Variants in PRSS57 observed in about 807,000 individuals in gnomAD.
The protein encoded by PRSS57 is serine protease 57.
Under a neutral mutation model 20.6 loss-of-function variants are expected in PRSS57, and 19 were observed. The ratio of observed to expected loss-of-function variants is 0.92; its 90% CI spans 0.64 to 1.35. The LOEUF (loss-of-function observed/expected upper bound fraction) is 1.35, where lower values mean the gene tolerates loss of function less well. Ranked by LOEUF, PRSS57 falls within the 40% of genes most tolerant of loss-of-function variation. The probability of loss-of-function intolerance (pLI) is 0.00; values close to 1 mark genes in which losing one functional copy is unlikely to be tolerated. For synonymous variants in PRSS57, 203 were observed against 176.6 expected, an observed-to-expected ratio of 1.15 and a Z score of -1.19; for missense variants, 440 against 403.7, an observed-to-expected ratio of 1.09 and a Z score of -0.77.
chr19:689,146 T>C (rs12978248), intron 3 of PRSS57, among the ~76,000 whole-genome samples: 63,359 of 118,146 alleles, frequency 0.54, 16,332 homozygotes, highest in Middle Eastern at 0.6. Context: ...GTGACGACGG[T>C]GCTAGAAGGG....
At chr19:690,989 G>A in intron 3 of PRSS57, 2 of 417,782 alleles carry the variant, frequency 4.8e-6, no homozygotes, top group South Asian at 2.2e-5. Flanking sequence ...TTAGCCAGGG[G>A]CTGCACTGCC....
intron 2 of PRSS57, 113 bp downstream of exon 2, chr19:694,701 G>T: frequency 8.9e-6 from 11 of 1,242,824 alleles, no homozygotes; most frequent in Non-Finnish European, 1.2e-5. Context: ...AGCCCCTGCT[G>T]AGACTCCCCC....
chr19:692,068 A>G, intron 2 of PRSS57, 66 bp from the exon 3 acceptor site: 2 of 1,250,176 alleles, frequency 1.6e-6, no homozygotes, highest in African/African-American at 1.5e-5. Context: ...CGGTCCACTC[A>G]TCTATGAAAC....
At position 692,217 on chromosome 19, in the gene PRSS57, A is replaced by G. The variant is rs988881119; in HGVS notation, c.234-215T>C. Among the ~76,000 whole-genome samples the G allele has an allele frequency of 2.0e-4, 30 of 150,646 alleles. 1 individual carries two copies. Among genetic ancestry groups the G allele is most frequent in the African/African-American group, 7.3e-4 (30 of 41,364 alleles). ...AAACCCCGTCTCTACTAAAAATACA[A>G]AATTAGCCAGGTGTGGTGGCACATG... On this transcript the variant is annotated intron_variant, in intron 2 of 4. Transcript: ENST00000329267.
Position 692,021 on chromosome 19 carries a change from G to T in PRSS57, c.234-19C>A, listed in dbSNP as rs774210448. The T allele has an allele frequency of 1.5e-6, 2 of 1,304,818 alleles. No individual in the cohort carries two copies. Among genetic ancestry groups the T allele is most frequent in the East Asian group, 5.7e-5 (2 of 35,002 alleles). 80.8% of individuals were successfully genotyped at this position (1,304,818 alleles called of 1,614,324 possible). The stretch of plus-strand genomic sequence containing the variant: ...GAGGTCTCTGCAGGGAGGAGGTGGT[G>T]GGTGAGACGGGGGTGAGGGCTGCCC... On this transcript the variant is annotated intron_variant, in intron 2 of 4. Coordinates refer to ENST00000329267, the MANE Select transcript of PRSS57 (RefSeq NM_001308209.2).
In PRSS57 at chr19:685,711, G is replaced by T; in HGVS notation, c.*5C>A. Reference sequence around the variant, plus strand: ...CATCTCATTTGCATGCCGCAAGGTTGTGGCTCAGGCGGCTTCTCCTGGGGG... The same window carrying T: ...CATCTCATTTGCATGCCGCAAGGTTTTGGCTCAGGCGGCTTCTCCTGGGGG... On this transcript the variant is annotated 3_prime_UTR_variant, in exon 5 of 5. Transcript: ENST00000329267. The T allele has an allele frequency of 6.5e-7, 1 of 1,531,646 alleles. No individual in the cohort carries two copies. 94.9% of individuals were successfully genotyped at this position (1,531,646 alleles called of 1,614,324 possible). A position where few individuals can be genotyped will look rare whatever the true frequency, so the allele number is the denominator to read the frequency against.
intron 3 of PRSS57, among the ~76,000 whole-genome samples, chr19:690,001 C>T (rs189538389): frequency 6.3e-4 from 95 of 151,074 alleles, no homozygotes; most frequent in African/African-American, 2.3e-3. Context: ...TGCAGTGAGC[C>T]CTGACTGTGC....
chr19:686,570 C>G (rs2031478430), intron 4 of PRSS57, among the ~76,000 whole-genome samples: 1 of 152,074 alleles, frequency 6.6e-6, no homozygotes, highest in South Asian at 2.1e-4. Context: ...CGCTCTCTTG[C>G]CTGCGGTAAA....
At chr19:694,231 C>T (rs116954600) in intron 2 of PRSS57, among the ~76,000 whole-genome samples, 3,834 of 152,090 alleles carry the variant, frequency 0.025, 69 homozygotes, top group South Asian at 0.055. Flanking sequence ...GGGACCCACC[C>T]ACCCTGGCCC....
At chr19:692,182 C>T (rs1323252482) in intron 2 of PRSS57, among the ~76,000 whole-genome samples, 180 bp from the exon 3 acceptor site, 1 of 150,832 alleles carries the variant, frequency 6.6e-6, no homozygotes, top group Admixed American at 6.6e-5. Flanking sequence ...CCAGCCTGAT[C>T]AACATGGAGA....
chr19:686,756 G>A (rs1284490358), intron 4 of PRSS57, among the ~76,000 whole-genome samples, 169 bp downstream of exon 4: 1 of 152,132 alleles, frequency 6.6e-6, no homozygotes, highest in Non-Finnish European at 1.5e-5. Context: ...GCTGAACATG[G>A]CAGCCCTGCA....
chr19:686,903 T>G, intron 4 of PRSS57, 22 bp downstream of exon 4: 1 of 1,605,098 alleles, frequency 6.2e-7, no homozygotes, highest in Non-Finnish European at 8.5e-7. Flanking sequence ...AGTAAGTGGG[T>G]GGAGCAGGGA....
In PRSS57 at chr19:687,061, T is replaced by A; in HGVS notation, c.506A>T (p.Glu169Val). 6.2e-7 allele frequency: 1 copy of A among 1,613,952 alleles called. No individual in the cohort carries two copies. Among genetic ancestry groups the A allele is most frequent in the Non-Finnish European group, 8.5e-7 (1 of 1,179,996 alleles). ...GGCCTCCATCAGTCCAGGCGGCAGC[T>A]CCTCAAAGTCAGACACGAAGCCCCA... ...AGWGFVSDFE[E>V]LPPGLMEAKV... Residue 169 changes from glutamate (E) to valine (V), a missense_variant, in exon 4 of 5, where the codon GAG becomes GTG. By Grantham distance (121) the Glu-to-Val change is moderately radical. Transcript: ENST00000329267.
chr19:685,919 C>A lies in PRSS57; in HGVS notation c.646G>T (p.Asp216Tyr), dbSNP rs776424212. The change falls in exon 5 of 5, where the codon GAC (aspartate) becomes TAC (tyrosine). Residue 216 changes from aspartate to tyrosine, a missense_variant. Physicochemically the swap from Asp to Tyr is radical, Grantham distance 160 (BLOSUM62 -3). Coordinates refer to ENST00000329267, the MANE Select transcript of PRSS57 (RefSeq NM_001308209.2). Reference sequence around the variant, plus strand: ...CTGCACACCAGGGGCCCTCCGGAGTCGGCCTGGAGTGAAAGGAGAGGTGAG... The same window carrying A: ...CTGCACACCAGGGGCCCTCCGGAGTAGGCCTGGAGTGAAAGGAGAGGTGAG... ...DSHRRGFCSA[D>Y]SGGPLVCRNR... 3.2e-6 allele frequency: 5 copies of A among 1,538,632 alleles called. No individual in the cohort carries two copies. The East Asian group carries it at 7.4e-5, about 23-fold the overall frequency.
At chr19:692,483 C>A (rs1304153806) in intron 2 of PRSS57, among the ~76,000 whole-genome samples, 1 of 137,802 alleles carries the variant, frequency 7.3e-6, no homozygotes, top group Non-Finnish European at 1.5e-5. Flanking sequence ...AGAGTGCAAT[C>A]GAGGCTTACT....
Position 691,504 on chromosome 19 carries a change from CA to C in PRSS57, c.378+353del, listed in dbSNP as rs372342945. Reference sequence around the variant, plus strand: ...CCCGTGACAGTTCGAGACTCTGACTCAAAAAAAAAAAAAAAGAAAAGAAAAG... The same window carrying C: ...CCCGTGACAGTTCGAGACTCTGACTCAAAAAAAAAAAAAAGAAAAGAAAAG... On this transcript the variant is annotated intron_variant, in intron 3 of 4. Transcript: ENST00000329267. Among the ~76,000 whole-genome samples, 379 of 86,774 alleles carry C rather than the reference CA, an allele frequency of 4.4e-3. 1 individual carries two copies. The highest frequency in any genetic ancestry group is 5.0e-3 in the Non-Finnish European group (215 of 43,122). 56.9% of individuals were successfully genotyped at this position (86,774 alleles called of 152,430 possible).
rs745752648 is a variant in PRSS57, at chr19:695,358, G to A, written c.73C>T (p.Pro25Ser). Residue 25 changes from proline (P) to serine (S), a missense_variant, in exon 1 of 5, where the codon CCC becomes TCC. By Grantham distance (74) the Pro-to-Ser change is moderately conservative. Coordinates refer to ENST00000329267, the MANE Select transcript of PRSS57 (RefSeq NM_001308209.2). The stretch of plus-strand genomic sequence containing the variant: ...ATCCCGGGGGGCTCCTCACCGGGGG[G>A]CTTCACGGGCAGCATCAGGGCGGTG... ...VATALMLPVKPPGSWGAQIIG... is the reference protein window; with the variant it reads ...VATALMLPVKSPGSWGAQIIG... The A allele has an allele frequency of 4.7e-6, 6 of 1,273,668 alleles. No individual in the cohort carries two copies. The highest frequency in any genetic ancestry group is 2.9e-5 in the East Asian group (1 of 34,228). The allele number at this position is 1,273,668 out of a possible 1,614,324, so 78.9% of individuals were successfully genotyped here. A position where few individuals can be genotyped will look rare whatever the true frequency, so the allele number is the denominator to read the frequency against.
At chr19:691,679 C>G (rs1197076265) in intron 3 of PRSS57, among the ~76,000 whole-genome samples, 179 bp downstream of exon 3, 1 of 149,454 alleles carries the variant, frequency 6.7e-6, no homozygotes, top group East Asian at 2.0e-4. Flanking sequence ...ATTAGATGGG[C>G]TTGGTGGCGC....
At chr19:692,198 C>T (rs868127029) in intron 2 of PRSS57, among the ~76,000 whole-genome samples, 196 bp from the exon 3 acceptor site, 14 of 150,674 alleles carry the variant, frequency 9.3e-5, no homozygotes, top group Admixed American at 2.0e-4. Flanking sequence ...GGAGAAACCC[C>T]GTCTCTACTA....
Sources: gnomAD v4.1 joint callset for allele counts (sites outside exome capture counted in the v4.1 genomes callset) on GRCh38, gnomAD v4.1.1 for gene constraint, MANE v1.5 for transcripts, NCBI Gene and HGNC (gene_info 2026-07-23, HGNC 2026-07-21) for gene names.